The following SLC38A9 variants were observed in gnomAD, a reference collection of about 807,000 sequenced individuals.
SLC38A9 encodes neutral amino acid transporter 9.
SLC38A9 carries 48 observed loss-of-function variants against 62.3 expected under a neutral mutation model. The ratio of observed to expected loss-of-function variants is 0.77; its 90% CI spans 0.61 to 0.98. The LOEUF is 0.98. Among genes scored for constraint, SLC38A9 ranks in the 50% least tolerant of loss-of-function variants. The pLI is 0.00. For missense variants in SLC38A9, 541 were observed against 679.8 expected, an observed-to-expected ratio of 0.80 and a Z score of 2.27; for synonymous variants, 204 against 227.7, an observed-to-expected ratio of 0.90 and a Z score of 0.94.
At chr5:55,641,820 A>G (rs1023596040) in intron 12 of SLC38A9, among the ~76,000 whole-genome samples, 4 of 152,206 alleles carry the variant, frequency 2.6e-5, no homozygotes, top group African/African-American at 7.2e-5. Context: ...TATCACGTGC[A>G]CTTGTTATTT....
At chr5:55,684,946 G>A (rs1414750835) in intron 3 of SLC38A9, among the ~76,000 whole-genome samples, 1 of 152,092 alleles carries the variant, frequency 6.6e-6, no homozygotes, top group Non-Finnish European at 1.5e-5. Context: ...GAGCCACCAC[G>A]CCTGGCCAAA....
chr5:55,659,407 G>A (rs1749073326), intron 8 of SLC38A9, among the ~76,000 whole-genome samples: 1 of 118,562 alleles, frequency 8.4e-6, no homozygotes, highest in Non-Finnish European at 1.7e-5. Context: ...TTTGATTTGA[G>A]ATGGAGTCTC....
intron 8 of SLC38A9, among the ~76,000 whole-genome samples, chr5:55,660,275 T>C (rs1214628658): frequency 2.6e-5 from 4 of 151,462 alleles, no homozygotes; most frequent in Non-Finnish European, 5.9e-5. Flanking sequence ...CCGGGCATGG[T>C]GGTGGTATTT....
intron 3 of SLC38A9, among the ~76,000 whole-genome samples, chr5:55,676,614 A>C (rs1002190842): frequency 3.9e-5 from 6 of 152,246 alleles, no homozygotes; most frequent in Non-Finnish European, 8.8e-5. Context: ...ATTTTGTATC[A>C]TACAGAAATG....
chr5:55,643,023 A>G (rs2150114887), intron 12 of SLC38A9, among the ~76,000 whole-genome samples: 1 of 152,308 alleles, frequency 6.6e-6, no homozygotes, highest in East Asian at 1.9e-4. Flanking sequence ...ATAGACCTCT[A>G]TTAGAACTTC....
intron 3 of SLC38A9, among the ~76,000 whole-genome samples, chr5:55,673,059 G>T (rs1751573000): frequency 1.3e-5 from 2 of 152,104 alleles, no homozygotes; most frequent in Admixed American, 1.3e-4. Flanking sequence ...AAAAGCTTTT[G>T]GCACTAAATC....
At chr5:55,665,086 C>G in intron 7 of SLC38A9, 1 of 247,520 alleles carries the variant, frequency 4.0e-6, no homozygotes, top group Non-Finnish European at 7.6e-6. Flanking sequence ...ATTATAGTAT[C>G]ATAACATTTT....
rs927134324 is a variant in SLC38A9 at position 55,677,267 on chromosome 5, T to G, written c.114-4572A>C. ...CATTATAAAGTATCAAATAAAACATTAATATATAAAACATAAACATTAAAA... is the reference window on the plus strand; with the variant it reads ...CATTATAAAGTATCAAATAAAACATGAATATATAAAACATAAACATTAAAA... On this transcript the variant is annotated intron_variant, in intron 3 of 15. Transcript: ENST00000396865. Among the ~76,000 whole-genome samples the G allele has an allele frequency of 6.6e-5, 10 of 152,302 alleles. No individual in the cohort carries two copies. The East Asian group carries it at 1.9e-3, about 29-fold the overall frequency.
At chr5:55,671,718 C>T (rs1352223542) in intron 4 of SLC38A9, among the ~76,000 whole-genome samples, 1 of 152,008 alleles carries the variant, frequency 6.6e-6, no homozygotes, top group Non-Finnish European at 1.5e-5. Context: ...TGTGGTGGCG[C>T]ACACCTGTAA....
chr5:55,685,171 A>C (rs940700688), intron 3 of SLC38A9, among the ~76,000 whole-genome samples: 1 of 152,174 alleles, frequency 6.6e-6, no homozygotes. Flanking sequence ...CAAATTCCTT[A>C]ATCTCTCAAT....
chr5:55,651,697 G>A (rs1747508039), intron 10 of SLC38A9, among the ~76,000 whole-genome samples: 1 of 152,092 alleles, frequency 6.6e-6, no homozygotes, highest in South Asian at 2.1e-4. Flanking sequence ...ATAAACCTAC[G>A]AAGCCTGAGA....
At chr5:55,696,038 T>G in intron 3 of SLC38A9, 1 of 74,590 alleles carries the variant, frequency 1.3e-5, no homozygotes, top group Non-Finnish European at 3.0e-5. Flanking sequence ...CCCCCCCACC[T>G]CCCTCCCGGA....
chr5:55,692,625 C>T, intron 3 of SLC38A9: 1 of 985,206 alleles, frequency 1.0e-6, no homozygotes, highest in South Asian at 4.7e-5. Context: ...ATAGCTGATT[C>T]CCTCTCATTT....
intron 2 of SLC38A9, among the ~76,000 whole-genome samples, chr5:55,708,876 A>G (rs1397061093): frequency 6.6e-6 from 1 of 152,224 alleles, no homozygotes; most frequent in African/African-American, 2.4e-5. Flanking sequence ...TGAAAAAAAT[A>G]TATCTGTCAG....
chr5:55,664,707 C>A lies in SLC38A9; in HGVS notation c.683G>T (p.Gly228Val), dbSNP rs1580243204. The change falls in exon 8 of 16, where the codon GGA becomes GTA. Residue 228 changes from glycine to valine, a missense_variant. By Grantham distance (109) the Gly-to-Val change is moderately radical. Coordinates refer to ENST00000396865, the MANE Select transcript of SLC38A9 (RefSeq NM_173514.4). The part of the protein sequence containing the change: ...VLMSNFLFNT[G>V]KFIFNFIHHI... ...TAGATACTTACTAAAAATAAACTTT[C>A]CAGTATTAAAAAGAAAATTTGACAT... 5 of 1,542,614 alleles carry A rather than the reference C, an allele frequency of 3.2e-6. No individual in the cohort carries two copies. The highest frequency in any genetic ancestry group is 3.5e-6 in the Non-Finnish European group (4 of 1,149,042).
chr5:55,669,875 G>A lies in SLC38A9; in HGVS notation c.251C>T (p.Ala84Val), dbSNP rs1447772663. 4 of 1,585,500 alleles carry A rather than the reference G, an allele frequency of 2.5e-6. No homozygotes were observed. Among genetic ancestry groups the A allele is most frequent in the Non-Finnish European group, 3.4e-6 (4 of 1,171,122 alleles). ...LTTPADKALIAPDHVVPAPEE... is the reference protein window; with the variant it reads ...LTTPADKALIVPDHVVPAPEE... Reference sequence around the variant, plus strand: ...TGGAGCTGGAACTACATGGTCTGGGGCAATCTGGTAAAAAGGAAACATAGA... The same window carrying A: ...TGGAGCTGGAACTACATGGTCTGGGACAATCTGGTAAAAAGGAAACATAGA... The change falls in exon 5 of 16, where the codon GCC (alanine) becomes GTC (valine). Residue 84 changes from alanine to valine, a missense_variant. Coordinates refer to ENST00000396865, the MANE Select transcript of SLC38A9 (RefSeq NM_173514.4).
At chr5:55,693,305 T>G (rs574637960) in intron 3 of SLC38A9, 40 of 152,350 alleles carry the variant, frequency 2.6e-4, no homozygotes, top group African/African-American at 9.1e-4. Context: ...GCTCTGTACT[T>G]CAATTTTTCA....
chr5:55,709,545 G>A (rs1461118004), intron 2 of SLC38A9, among the ~76,000 whole-genome samples: 1 of 151,482 alleles, frequency 6.6e-6, no homozygotes, highest in Non-Finnish European at 1.5e-5. Flanking sequence ...CAGTGCCACT[G>A]CACTAAAGCT....
At chr5:55,661,259 A>T (rs1338781477) in intron 8 of SLC38A9, among the ~76,000 whole-genome samples, 1 of 151,978 alleles carries the variant, frequency 6.6e-6, no homozygotes, top group East Asian at 1.9e-4. Context: ...CCTGGCTAAC[A>T]CGGTGAAACT....
Sources: allele counts gnomAD v4.1 joint callset (sites outside exome capture counted in the v4.1 genomes callset), GRCh38; gene constraint gnomAD v4.1.1; transcripts MANE v1.5; gene names NCBI Gene and HGNC (gene_info 2026-07-23, HGNC 2026-07-21).